The following NOVA2 variants were observed in gnomAD, a reference collection of about 807,000 sequenced individuals.
The protein encoded by NOVA2 is RNA-binding protein Nova-2.
A neutral mutation model predicts 22.5 loss-of-function variants in NOVA2; 9 were observed. The observed-to-expected ratio is 0.40, with a 90% CI of 0.24 to 0.70. The LOEUF is 0.70. Ranked by LOEUF, NOVA2 falls within the 30% of genes least tolerant of loss-of-function variation. NOVA2 has a pLI of 0.38. For synonymous variants in NOVA2, 318 were observed against 335.2 expected (o/e 0.95, Z 0.56); for missense variants, 383 against 682.8 (o/e 0.56, Z 4.89).
At chr19:45,960,039 A>G (rs919614996) in intron 2 of NOVA2, among the ~76,000 whole-genome samples, 2 of 150,186 alleles carry the variant, frequency 1.3e-5, no homozygotes, top group Non-Finnish European at 3.0e-5. Context: ...GAGAGGTGAG[A>G]GACTTTGGAG....
At chr19:45,957,901 A>G (rs1968028503) in intron 2 of NOVA2, among the ~76,000 whole-genome samples, 1 of 151,958 alleles carries the variant, frequency 6.6e-6, no homozygotes, top group Non-Finnish European at 1.5e-5. Context: ...GATCAAGACC[A>G]TCCTGGCCAA....
chr19:45,939,566 A>C lies in NOVA2; in HGVS notation c.*297T>G. On this transcript the variant is annotated 3_prime_UTR_variant, in exon 4 of 4. Coordinates refer to ENST00000263257, the MANE Select transcript of NOVA2 (RefSeq NM_002516.4). ...TTAAAATCAACAAAATGCAATATATACAGATATCACACAGACCTGGGCCCT... is the reference window on the plus strand; with the variant it reads ...TTAAAATCAACAAAATGCAATATATCCAGATATCACACAGACCTGGGCCCT... 1 of 372,504 alleles carries C rather than the reference A, an allele frequency of 2.7e-6. No homozygotes were observed. The highest frequency in any genetic ancestry group is 4.9e-6 in the Non-Finnish European group (1 of 206,010). 23.1% of individuals were successfully genotyped at this position (372,504 alleles called of 1,614,324 possible).
chr19:45,964,220 C>G (rs1168366311), intron 1 of NOVA2, among the ~76,000 whole-genome samples: 2 of 146,534 alleles, frequency 1.4e-5, no homozygotes, highest in Non-Finnish European at 3.0e-5. Context: ...GCTCTTGTCA[C>G]CCAGGCTGCA....
intron 2 of NOVA2, among the ~76,000 whole-genome samples, chr19:45,954,379 C>T (rs1261261171): frequency 6.6e-6 from 1 of 152,196 alleles, no homozygotes; most frequent in Non-Finnish European, 1.5e-5. Flanking sequence ...CTGGAACCCC[C>T]TTATCGGTCT....
intron 2 of NOVA2, among the ~76,000 whole-genome samples, chr19:45,958,474 G>A (rs1226112258): frequency 6.6e-6 from 1 of 151,334 alleles, no homozygotes; most frequent in East Asian, 2.0e-4. Flanking sequence ...GTGTGTGTGA[G>A]TGGGATGTGT....
intron 2 of NOVA2, among the ~76,000 whole-genome samples, chr19:45,959,653 A>G (rs1364587276): frequency 6.8e-6 from 1 of 146,890 alleles, no homozygotes; most frequent in Non-Finnish European, 1.5e-5. Flanking sequence ...CTCTTGCCAA[A>G]GCTGCTTAGT....
At chr19:45,941,048 G>A in intron 3 of NOVA2, 103 bp from the exon 4 acceptor site, 1 of 1,082,596 alleles carries the variant, frequency 9.2e-7, no homozygotes, top group Non-Finnish European at 1.3e-6. Context: ...CCAGCACTTT[G>A]GGGGGCTGAG....
chr19:45,954,385 G>T (rs1332122354), intron 2 of NOVA2, among the ~76,000 whole-genome samples: 1 of 152,188 alleles, frequency 6.6e-6, no homozygotes, highest in South Asian at 2.1e-4. Context: ...CCCCCTTATC[G>T]GTCTGGCTGG....
At chr19:45,968,027 T>C (rs1453556756) in intron 1 of NOVA2, 1 of 152,044 alleles carries the variant, frequency 6.6e-6, no homozygotes, top group East Asian at 1.9e-4. Context: ...TGGGGTGTTG[T>C]AGTAAGAGTG....
At chr19:45,958,386 TGTGG>T (rs1968037834) in intron 2 of NOVA2, among the ~76,000 whole-genome samples, 1 of 150,662 alleles carries the variant, frequency 6.6e-6, no homozygotes, top group Admixed American at 6.6e-5. Flanking sequence ...AGTGTGTGTG[TGTGG>T]GAGCATGTGT....
rs1340462819 is a variant in NOVA2 at position 45,961,089 on chromosome 19, C to T, written c.150G>A (p.Lys50=). 6.3e-7 allele frequency: 1 copy of T among 1,591,624 alleles called. No individual in the cohort carries two copies. Among genetic ancestry groups the T allele is most frequent in the Non-Finnish European group, 8.6e-7 (1 of 1,168,918 alleles). The change falls in exon 2 of 4, where the codon AAG becomes AAA. Residue 50 remains lysine, a synonymous_variant. Coordinates refer to ENST00000263257, the MANE Select transcript of NOVA2 (RefSeq NM_002516.4). ...GCAGCTGCACGATGGTCTGCCCGCC[C>T]TTGCCAATGATGGAGCCCGCCGCGT... ...PSYAAGSIIG[K]GGQTIVQLQK... is the part of the protein sequence containing the mutation.
At chr19:45,966,108 A>C (rs1015767652) in intron 1 of NOVA2, among the ~76,000 whole-genome samples, 4 of 152,124 alleles carry the variant, frequency 2.6e-5, no homozygotes, top group African/African-American at 9.7e-5. Flanking sequence ...GGCTGTCCCA[A>C]ACTTTTCCCT....
rs1411360085 is a variant in NOVA2 at position 45,936,880 on chromosome 19, T to TCC, written c.*2982_*2983insGG. 2.0e-5 allele frequency: 3 copies of TCC among 149,258 alleles called. No individual in the cohort carries two copies. The highest frequency in any genetic ancestry group is 4.0e-4 in the East Asian group (2 of 5,034). 9.2% of individuals were successfully genotyped at this position (149,258 alleles called of 1,614,324 possible). ...GAGACTCTGAGATCGGATTGGCTAA[T>TCC]AGGGAGACGGGGAAAAAAAAAGAGA... On this transcript the variant is annotated 3_prime_UTR_variant, in exon 4 of 4. Coordinates refer to ENST00000263257, the MANE Select transcript of NOVA2 (RefSeq NM_002516.4).
intron 3 of NOVA2, among the ~76,000 whole-genome samples, chr19:45,945,729 G>C (rs920360648): frequency 1.3e-5 from 2 of 152,154 alleles, no homozygotes; most frequent in African/African-American, 4.8e-5. Context: ...ATTTCAGAGA[G>C]TCAAGTGAAC....
intron 2 of NOVA2, among the ~76,000 whole-genome samples, chr19:45,958,296 T>C (rs1968035134): frequency 6.6e-6 from 1 of 151,992 alleles, no homozygotes; most frequent in South Asian, 2.1e-4. Context: ...TGTTCTGCCC[T>C]TCTCTTGGAG....
Position 45,940,357 on chromosome 19 carries a change from A to T in NOVA2, c.985T>A (p.Ser329Thr), listed in dbSNP as rs1967729490. 1 of 1,367,840 alleles carries T rather than the reference A, an allele frequency of 7.3e-7. No homozygotes were observed. The highest frequency in any genetic ancestry group is 9.5e-7 in the Non-Finnish European group (1 of 1,053,358). 84.7% of individuals were successfully genotyped at this position (1,367,840 alleles called of 1,614,324 possible). A position where few individuals can be genotyped will look rare whatever the true frequency, so the allele number is the denominator to read the frequency against. The change falls in exon 4 of 4, where the codon TCC (serine) becomes ACC (threonine). Residue 329 changes from serine to threonine, a missense_variant. Physicochemically the swap from Ser to Thr is moderately conservative, Grantham distance 58. Around this residue, in one of 2 missense-constraint regions of NOVA2, gnomAD observed 349 missense variants for 578.1 expected, o/e 0.60. Coordinates refer to ENST00000263257, the MANE Select transcript of NOVA2 (RefSeq NM_002516.4). Reference protein sequence around the residue: ...AAAAAANLLASYAGEAGAGPA... With the variant: ...AAAAAANLLATYAGEAGAGPA... The stretch of plus-strand genomic sequence containing the variant: ...CCGGCCCCGGCCTCGCCCGCGTAGG[A>T]TGCCAGGAGGTTGGCGGCGGCGGCG...
chr19:45,964,810 C>A (rs1968148943), intron 1 of NOVA2, among the ~76,000 whole-genome samples: 1 of 152,116 alleles, frequency 6.6e-6, no homozygotes, highest in Non-Finnish European at 1.5e-5. Context: ...ATCCAACTGC[C>A]TGGGCCTCCA....
rs1191072899 is a variant in NOVA2 at position 45,935,635 on chromosome 19, CACTCTTGTTAAT to C, written c.*4216_*4227del. ...ACGCCCCAACTGCCATCCTCATCGC[CACTCTTGTTAAT>C]ACTTTTGCCACTGCACAGTCTATCA... is the stretch of plus-strand genomic sequence containing the variant. On this transcript the variant is annotated 3_prime_UTR_variant, in exon 4 of 4. Transcript: ENST00000263257. The C allele has an allele frequency of 6.6e-6, 1 of 152,336 alleles. No homozygotes were observed. Among genetic ancestry groups the C allele is most frequent in the African/African-American group, 2.4e-5 (1 of 41,454 alleles). 9.4% of individuals were successfully genotyped at this position (152,336 alleles called of 1,614,324 possible).
In NOVA2 at chr19:45,961,216, T is replaced by G. The variant is rs1274628471; in HGVS notation, c.86-63A>C. 6.5e-6 allele frequency: 8 copies of G among 1,226,270 alleles called. No homozygotes were observed. In the African/African-American group the frequency reaches 8.9e-5, roughly 14 times the overall value. 76.0% of individuals were successfully genotyped at this position (1,226,270 alleles called of 1,614,324 possible). On this transcript the variant is annotated intron_variant, in intron 1 of 3. Coordinates refer to ENST00000263257, the MANE Select transcript of NOVA2 (RefSeq NM_002516.4). ...GAGGGGTCTTCACCTTTGGAGGGGG[T>G]GAGCAGAGGAAACCCCAGGGGTCAC... is the stretch of plus-strand genomic sequence containing the variant.
Sources: gnomAD v4.1 joint callset for allele counts (sites outside exome capture counted in the v4.1 genomes callset) on GRCh38, gnomAD v4.1.1 for gene constraint, gnomAD v4.1.1 regional missense constraint, MANE v1.5 for transcripts, NCBI Gene and HGNC (gene_info 2026-07-23, HGNC 2026-07-21) for gene names.